NEB: variants seen among roughly 807,000 people sequenced by gnomAD.
The protein encoded by NEB is nemaline myopathy type 2.
Under a neutral mutation model 952.2 loss-of-function variants are expected in NEB, and 512 were observed. The ratio of observed to expected loss-of-function variants is 0.54; its 90% CI spans 0.50 to 0.58. NEB has a LOEUF of 0.58. Among genes scored for constraint, NEB ranks in the 20% least tolerant of loss-of-function variants. The pLI is 0.00. For missense variants in NEB, 8,428 were observed against 9,231.1 expected (o/e 0.91, Z 3.56); for synonymous variants, 2,900 against 3,149.8 (o/e 0.92, Z 2.66).
At chr2:151,646,812 G>C (rs553055781) in intron 54 of NEB, among the ~76,000 whole-genome samples, 2 of 152,124 alleles carry the variant, frequency 1.3e-5, no homozygotes, top group Non-Finnish European at 2.9e-5. Flanking sequence ...ACCATACCCG[G>C]CTAATTTTTG....
intron 9 of NEB, 88 bp from the exon 10 acceptor site, chr2:151,717,608 T>G: frequency 2.1e-6 from 2 of 961,568 alleles, no homozygotes; most frequent in Non-Finnish European, 3.3e-6. Flanking sequence ...TAACATGTTA[T>G]AATTTGTCCT....
rs79231198 is a variant in NEB, at chr2:151,487,431, T to C, written c.25405-1498A>G. On this transcript the variant is annotated intron_variant, in intron 181 of 181. Coordinates refer to ENST00000397345, the MANE Select transcript of NEB (RefSeq NM_001164508.2). ...ACATGCATATATTCAAATTCACAAATAGATTTCCTTTCCCCTTTGCATAAG... is the reference window on the plus strand; with the variant it reads ...ACATGCATATATTCAAATTCACAAACAGATTTCCTTTCCCCTTTGCATAAG... Among the ~76,000 whole-genome samples, 142 of 152,350 alleles carry C rather than the reference T, an allele frequency of 9.3e-4. 1 individual carries two copies. The East Asian group carries it at 0.025, about 26-fold the overall frequency.
At chr2:151,644,634 A>G (rs2098930715) in intron 55 of NEB, 59 bp from the exon 56 acceptor site, 1 of 1,334,348 alleles carries the variant, frequency 7.5e-7, no homozygotes, top group African/African-American at 1.4e-5. Context: ...AATATAGCAT[A>G]ATGATCAAAT....
rs2099565705 is a variant in NEB at position 151,692,559 on chromosome 2, A to T, written c.1897-197T>A. On this transcript the variant is annotated intron_variant, in intron 20 of 181. Transcript: ENST00000397345. ...TATATAATCTCATCTGCTAATAATCATGAAGATGTTTATGTTACTTTTCCT... is the reference window on the plus strand; with the variant it reads ...TATATAATCTCATCTGCTAATAATCTTGAAGATGTTTATGTTACTTTTCCT... 1.3e-5 allele frequency: 8 copies of T among 614,720 alleles called. No homozygotes were observed. In the East Asian group the frequency reaches 2.3e-4, roughly 18 times the overall value. 38.1% of individuals were successfully genotyped at this position (614,720 alleles called of 1,614,324 possible).
At position 151,680,723 on chromosome 2, in the gene NEB, C is replaced by T; in HGVS notation, c.3042+7G>A. 2 of 1,558,184 alleles carry T rather than the reference C, an allele frequency of 1.3e-6. No homozygotes were observed. The highest frequency in any genetic ancestry group is 1.8e-6 in the Non-Finnish European group (2 of 1,132,240). Reference sequence around the variant, plus strand: ...TCTATTAACATATAGATAGCATTAACACTTACATCACTCCTCTGGGCCTGG... The same window carrying T: ...TCTATTAACATATAGATAGCATTAATACTTACATCACTCCTCTGGGCCTGG... On this transcript the variant is annotated splice_region_variant and intron_variant, in intron 30 of 181. Transcript: ENST00000397345.
Position 151,533,442 on chromosome 2 carries a change from C to T in NEB, c.21417G>A (p.Gln7139=). The change falls in exon 143 of 182, where the codon CAG becomes CAA. Residue 7139 remains glutamine (Q), a splice_region_variant and synonymous_variant. Coordinates refer to ENST00000397345, the MANE Select transcript of NEB (RefSeq NM_001164508.2). ...TTCTTCACATCCCATCAGACATTAC[C>T]TGGCTCCACATATGCGAATTGTAGA... is the stretch of plus-strand genomic sequence containing the variant. ...TALYNSHMWS[Q]IKYRKNYEKS... The T allele has an allele frequency of 6.5e-7, 1 of 1,545,578 alleles. No homozygotes were observed. The highest frequency in any genetic ancestry group is 1.2e-5 in the South Asian group (1 of 83,910).
At chr2:151,519,550 AGTT>A in intron 154 of NEB, 105 bp downstream of exon 154, 1 of 803,124 alleles carries the variant, frequency 1.2e-6, no homozygotes. Flanking sequence ...TAGTGACAGT[AGTT>A]GGATAATATT....
intron 62 of NEB, 121 bp downstream of exon 62, chr2:151,639,736 T>C (rs2154102501): frequency 1.2e-6 from 1 of 806,928 alleles, no homozygotes; most frequent in Non-Finnish European, 1.9e-6. Context: ...AGCCAATAGA[T>C]ACATAGACAG....
At chr2:151,486,637 G>A (rs2050649933) in intron 181 of NEB, 2 of 152,192 alleles carry the variant, frequency 1.3e-5, no homozygotes, top group African/African-American at 4.8e-5. Flanking sequence ...AGCAAGATCT[G>A]GTATATCCAT....
Position 151,533,430 on chromosome 2 carries a change from A to G in NEB, c.21417+12T>C. 3 of 1,530,546 alleles carry G rather than the reference A, an allele frequency of 2.0e-6. No individual in the cohort carries two copies. The highest frequency in any genetic ancestry group is 2.7e-6 in the Non-Finnish European group (3 of 1,127,856). 94.8% of individuals were successfully genotyped at this position (1,530,546 alleles called of 1,614,324 possible). On this transcript the variant is annotated intron_variant, in intron 143 of 181. Transcript: ENST00000397345. ...TTCTAAACCTCCTTCTTCACATCCC[A>G]TCAGACATTACCTGGCTCCACATAT...
intron 107 of NEB, among the ~76,000 whole-genome samples, chr2:151,571,505 C>A (rs549778793): frequency 6.6e-6 from 1 of 151,832 alleles, no homozygotes; most frequent in East Asian, 1.9e-4. Flanking sequence ...AGTTTTGTAA[C>A]CTTCAGAATT....
intron 146 of NEB, 65 bp downstream of exon 146, chr2:151,529,145 A>T: frequency 9.6e-7 from 1 of 1,044,150 alleles, no homozygotes; most frequent in Non-Finnish European, 1.5e-6. Flanking sequence ...ATGTAAAAAG[A>T]GGCCATGTGT....
intron 23 of NEB, 146 bp downstream of exon 23, chr2:151,691,718 C>T (rs1261555791): frequency 4.6e-6 from 3 of 654,150 alleles, no homozygotes; most frequent in African/African-American, 1.8e-5. Context: ...TGTTGTGTTC[C>T]CCGGTTCCAC....
intron 68 of NEB, among the ~76,000 whole-genome samples, chr2:151,628,869 TCAAACAAACAAA>T (rs377274148): frequency 4.0e-5 from 6 of 150,092 alleles, no homozygotes; most frequent in Non-Finnish European, 7.4e-5. Flanking sequence ...AGACTCTGTC[TCAAACAAACAAA>T]CAAACAAACA....
Position 151,562,655 on chromosome 2 carries a change from G to T in NEB, c.18847C>A (p.Pro6283Thr). 7 of 1,595,510 alleles carry T rather than the reference G, an allele frequency of 4.4e-6. No individual in the cohort carries two copies. The highest frequency in any genetic ancestry group is 2.3e-5 in the East Asian group (1 of 44,344). The change falls in exon 120 of 182, where the codon CCC becomes ACC. Residue 6283 changes from proline (P) to threonine (T), a missense_variant. This residue lies in a region of NEB where 3,374 missense variants were observed against 3,651.5 expected (regional missense o/e 0.92). Coordinates refer to ENST00000397345, the MANE Select transcript of NEB (RefSeq NM_001164508.2). ...GCGTTTCGGACGCGTATAACATTGGGTTCTTCCAGAAGAGACGTCCACTGG... is the reference window on the plus strand; with the variant it reads ...GCGTTTCGGACGCGTATAACATTGGTTTCTTCCAGAAGAGACGTCCACTGG... ...FHQWTSLLEE[P>T]NVIRVRNAQE...
chr2:151,601,341 T>C lies in NEB; in HGVS notation c.13476+560A>G, dbSNP rs372778072. On this transcript the variant is annotated intron_variant, in intron 88 of 181. Transcript: ENST00000397345. ...CCAGGCTGGTCTCGAACTCCTGACC[T>C]CAAGTGATCCACCCGCCTTGGCCTC... Among the ~76,000 whole-genome samples the C allele has an allele frequency of 7.1e-3, 1,024 of 143,800 alleles. 79 individuals are homozygous for C. In the East Asian group the frequency reaches 0.18, roughly 25 times the overall value. The allele number at this position is 143,800 out of a possible 152,430, so 94.3% of individuals were successfully genotyped here.
At chr2:151,578,828 T>A (rs2097001937) in intron 105 of NEB, among the ~76,000 whole-genome samples, 1 of 151,338 alleles carries the variant, frequency 6.6e-6, no homozygotes, top group African/African-American at 2.4e-5. Flanking sequence ...ACTTCTGTAA[T>A]CCCAGAACTT....
chr2:151,491,451 T>C (rs1461032622), intron 179 of NEB: 1 of 367,860 alleles, frequency 2.7e-6, no homozygotes, highest in Admixed American at 3.9e-5. Context: ...AAATTAGAAA[T>C]GATAATAATG....
rs1560999342 is a variant in NEB at position 151,649,594 on chromosome 2, T to C, written c.7431+582A>G. 2.0e-5 allele frequency among the ~76,000 whole-genome samples: 3 copies of C among 152,304 alleles called. No homozygotes were observed. In the East Asian group the frequency reaches 5.8e-4, roughly 29 times the overall value. ...AGTGTTGAGTAATCTTTCCCTTCTT[T>C]GCATATAATTACTCCACCCTGCTAT... On this transcript the variant is annotated intron_variant, in intron 54 of 181. Coordinates refer to ENST00000397345, the MANE Select transcript of NEB (RefSeq NM_001164508.2).
Sources: gnomAD v4.1 joint callset for allele counts (sites outside exome capture counted in the v4.1 genomes callset) on GRCh38, gnomAD v4.1.1 for gene constraint, gnomAD v4.1.1 regional missense constraint, MANE v1.5 for transcripts, NCBI Gene and HGNC (gene_info 2026-07-23, HGNC 2026-07-21) for gene names.